GP6: variants seen among roughly 807,000 people sequenced by gnomAD.
GP6 encodes the protein glycoprotein VI platelet, also known as platelet glycoprotein VI.
In GP6, 45 loss-of-function variants were observed where a neutral mutation model predicts 37.3. That is an observed-to-expected ratio of 1.21 (90% CI 0.95 to 1.55). The LOEUF (loss-of-function observed/expected upper bound fraction) is 1.55, where lower values mean the gene tolerates loss of function less well. GP6 is among the 40% of genes most tolerant of loss of function. The probability of loss-of-function intolerance (pLI) is 0.00; values close to 1 mark genes in which losing one functional copy is unlikely to be tolerated. For synonymous variants in GP6, 340 were observed against 316.4 expected, an observed-to-expected ratio of 1.07 and a Z score of -0.79; for missense variants, 813 against 760.2, an observed-to-expected ratio of 1.07 and a Z score of -0.82.
intron 3 of GP6, among the ~76,000 whole-genome samples, chr19:55,029,746 A>T (rs2074491702): frequency 6.6e-6 from 1 of 151,468 alleles, no homozygotes; most frequent in Non-Finnish European, 1.5e-5. Flanking sequence ...TTCACATACC[A>T]GATAGTGAGG....
chr19:55,036,304 A>G (rs1218950741), intron 1 of GP6, among the ~76,000 whole-genome samples: 5 of 152,148 alleles, frequency 3.3e-5, no homozygotes. Context: ...GGTACAAGGT[A>G]CACTAGTCAG....
chr19:55,037,809 G>C (rs2074893782), intron 1 of GP6, among the ~76,000 whole-genome samples: 1 of 151,368 alleles, frequency 6.6e-6, no homozygotes, highest in Admixed American at 6.6e-5. Flanking sequence ...TTTTTGTAGA[G>C]ATGGGGTTTC....
intron 3 of GP6, among the ~76,000 whole-genome samples, chr19:55,029,380 T>A (rs2074473043): frequency 4.8e-4 from 9 of 18,574 alleles, no homozygotes; most frequent in African/African-American, 9.6e-4. Context: ...ATATATTTTT[T>A]TTTTTTTTTT....
chr19:55,034,054 A>C (rs2074715480), intron 1 of GP6, among the ~76,000 whole-genome samples: 1 of 152,102 alleles, frequency 6.6e-6, no homozygotes, highest in South Asian at 2.1e-4. Flanking sequence ...CATATAGTGC[A>C]TATATGTAAA....
At chr19:55,035,150 AC>A in intron 1 of GP6, among the ~76,000 whole-genome samples, 1 of 152,306 alleles carries the variant, frequency 6.6e-6, no homozygotes, top group East Asian at 1.9e-4. Context: ...GGCTAGTGAG[AC>A]AGTATCTTAT....
At chr19:55,021,819 G>A (rs899632157) in intron 5 of GP6, among the ~76,000 whole-genome samples, 10 of 152,110 alleles carry the variant, frequency 6.6e-5, no homozygotes, top group Non-Finnish European at 1.5e-4. Flanking sequence ...CGTGCCCGGC[G>A]TTTCTTGACT....
At chr19:55,033,254 CGTGTT>C (rs1568643017) in intron 1 of GP6, among the ~76,000 whole-genome samples, 4 of 87,318 alleles carry the variant, frequency 4.6e-5, no homozygotes, top group Non-Finnish European at 8.5e-5. Context: ...TGGACTCGTT[CGTGTT>C]AGACACGGTG....
At chr19:55,017,155 T>A (rs1188764521) in intron 6 of GP6, among the ~76,000 whole-genome samples, 1 of 151,744 alleles carries the variant, frequency 6.6e-6, no homozygotes, top group Non-Finnish European at 1.5e-5. Context: ...CTCACTCTGT[T>A]GCCCAGGCTG....
chr19:55,034,299 A>G (rs577105297), intron 1 of GP6, among the ~76,000 whole-genome samples: 187 of 152,104 alleles, frequency 1.2e-3, no homozygotes, highest in African/African-American at 3.5e-3. Context: ...GCTCATGCCT[A>G]TAATCCCAGC....
At chr19:55,024,295 C>T (rs1415710718) in intron 5 of GP6, among the ~76,000 whole-genome samples, 1 of 144,770 alleles carries the variant, frequency 6.9e-6, no homozygotes, top group Admixed American at 6.8e-5. Flanking sequence ...CACATATGCA[C>T]GCATGCACAC....
intron 5 of GP6, among the ~76,000 whole-genome samples, chr19:55,023,922 G>T (rs1447762455): frequency 6.7e-6 from 1 of 150,356 alleles, no homozygotes; most frequent in African/African-American, 2.4e-5. Context: ...ATGGATACCA[G>T]GAGTTAGGGA....
At chr19:55,033,893 A>G (rs1393872244) in intron 1 of GP6, among the ~76,000 whole-genome samples, 1 of 152,066 alleles carries the variant, frequency 6.6e-6, no homozygotes. Flanking sequence ...TTGAATCAGT[A>G]TTCCATGATT....
At position 55,032,760 on chromosome 19, in the gene GP6, T is replaced by C. The variant is rs1602624484; in HGVS notation, c.35-222A>G. 3 of 639,024 alleles carry C rather than the reference T, an allele frequency of 4.7e-6. No individual in the cohort carries two copies. In the South Asian group the frequency reaches 5.6e-5, roughly 12 times the overall value. The allele number at this position is 639,024 out of a possible 1,614,324, so 39.6% of individuals were successfully genotyped here. On this transcript the variant is annotated intron_variant, in intron 1 of 7. Transcript: ENST00000310373. ...GAAATATCCAGAATAGGTAAATCTA[T>C]AGGAGATGGAGAAGAAAGCAGATCC...
Position 55,013,996 on chromosome 19 carries a change from T to G in GP6, c.*86A>C. Reference sequence around the variant, plus strand: ...GGTGGAGACGGTGCATTATCTTATTTTTATGATTTTAAAAATGTATACAGA... The same window carrying G: ...GGTGGAGACGGTGCATTATCTTATTGTTATGATTTTAAAAATGTATACAGA... On this transcript the variant is annotated 3_prime_UTR_variant, in exon 8 of 8. Transcript: ENST00000310373. 2.1e-6 allele frequency: 1 copy of G among 475,030 alleles called. No homozygotes were observed. The highest frequency in any genetic ancestry group is 4.2e-6 in the Non-Finnish European group (1 of 238,626). 29.4% of individuals were successfully genotyped at this position (475,030 alleles called of 1,614,324 possible).
chr19:55,024,592 A>C (rs2074234993), intron 5 of GP6, among the ~76,000 whole-genome samples: 1 of 152,212 alleles, frequency 6.6e-6, no homozygotes, highest in Non-Finnish European at 1.5e-5. Context: ...GGTACACCGT[A>C]TTCAGCTGAG....
chr19:55,016,524 C>T (rs184540480), intron 6 of GP6, among the ~76,000 whole-genome samples: 286 of 151,766 alleles, frequency 1.9e-3, no homozygotes, highest in African/African-American at 6.4e-3. Flanking sequence ...TACAGGCGTC[C>T]GCCACCACGC....
chr19:55,035,056 G>A (rs904233962), intron 1 of GP6, among the ~76,000 whole-genome samples: 10 of 152,268 alleles, frequency 6.6e-5, no homozygotes, highest in African/African-American at 2.4e-4. Flanking sequence ...TCCAGGCGCC[G>A]TGCTGAGCGC....
At chr19:55,030,495 C>T (rs970312340) in intron 3 of GP6, among the ~76,000 whole-genome samples, 16 of 151,772 alleles carry the variant, frequency 1.1e-4, no homozygotes, top group East Asian at 3.9e-4. Context: ...TGCGCCACCG[C>T]GCCCAGCTAA....
At chr19:55,018,759 C>A in intron 5 of GP6, 48 bp from the exon 6 acceptor site, 1 of 1,179,860 alleles carries the variant, frequency 8.5e-7, no homozygotes, top group Non-Finnish European at 1.3e-6. Flanking sequence ...TCCCTATATC[C>A]TCTAGATATC....
Sources: allele counts gnomAD v4.1 joint callset (sites outside exome capture counted in the v4.1 genomes callset), GRCh38; gene constraint gnomAD v4.1.1; transcripts MANE v1.5; gene names NCBI Gene and HGNC (gene_info 2026-07-23, HGNC 2026-07-21).